The following CADM1 variants were observed in gnomAD, a reference collection of about 807,000 sequenced individuals.
The protein encoded by CADM1 is TSLC-1.
A neutral mutation model predicts 53.1 loss-of-function variants in CADM1; 15 were observed. That is an observed-to-expected ratio of 0.28 (90% CI 0.19 to 0.44). The LOEUF is 0.44. CADM1 is among the 20% of genes least tolerant of loss of function. CADM1 has a pLI of 1.00. For missense variants in CADM1, 434 were observed against 611.3 expected (o/e 0.71, Z 3.06); for synonymous variants, 281 against 243.0 (o/e 1.16, Z -1.45).
intron 1 of CADM1, among the ~76,000 whole-genome samples, chr11:115,328,031 T>C (rs1308519951): frequency 6.6e-6 from 1 of 151,996 alleles, no homozygotes; most frequent in East Asian, 1.9e-4. Flanking sequence ...TATCCTTCTG[T>C]TTCTCTGGGT....
In CADM1 at chr11:115,308,528, T is replaced by A. The variant is rs137896804; in HGVS notation, c.125-68108A>T. On this transcript the variant is annotated intron_variant, in intron 1 of 11. Coordinates refer to ENST00000331581, the MANE Select transcript of CADM1 (RefSeq NM_001301043.2). ...TAATTTCCATTTCATGCAAAGCTGA[T>A]CTGTGATATGGCACGTCTGCAAAAC... 3.2e-4 allele frequency among the ~76,000 whole-genome samples: 49 copies of A among 152,112 alleles called. 1 individual carries two copies. The highest frequency in any genetic ancestry group is 3.5e-4 in the Non-Finnish European group (24 of 67,930).
intron 1 of CADM1, among the ~76,000 whole-genome samples, chr11:115,368,279 T>C (rs1946223800): frequency 6.6e-6 from 1 of 152,154 alleles, no homozygotes; most frequent in Admixed American, 6.5e-5. Context: ...GGGGTTGTGA[T>C]CTCCATAGCA....
In CADM1 at chr11:115,192,142, C is replaced by T. The variant is rs549805576; in HGVS notation, c.1112-1201G>A. On this transcript the variant is annotated intron_variant, in intron 9 of 11. Coordinates refer to ENST00000331581, the MANE Select transcript of CADM1 (RefSeq NM_001301043.2). ...TTTTAAAGGCCCAAATGAACCACAA[C>T]AGTCATGTGCAAATGATCACTGAAG... is the stretch of plus-strand genomic sequence containing the variant. Among the ~76,000 whole-genome samples, 15 of 152,334 alleles carry T rather than the reference C, an allele frequency of 9.8e-5. No homozygotes were observed. In the South Asian group the frequency reaches 2.9e-3, roughly 29 times the overall value.
intron 11 of CADM1, among the ~76,000 whole-genome samples, 183 bp from the exon 12 acceptor site, chr11:115,176,775 G>A (rs528919569): frequency 6.6e-6 from 1 of 152,286 alleles, no homozygotes; most frequent in Admixed American, 6.5e-5. Context: ...GGGTTCCAAA[G>A]GCACCACTCC....
chr11:115,246,707 T>C (rs1254247819), intron 1 of CADM1, among the ~76,000 whole-genome samples: 5 of 152,216 alleles, frequency 3.3e-5, no homozygotes, highest in Admixed American at 2.6e-4. Context: ...AAGCAATATG[T>C]GCTCAAAGGC....
intron 3 of CADM1, among the ~76,000 whole-genome samples, chr11:115,236,417 TAATATCTACAGAAAG>T (rs1942013087): frequency 1.3e-5 from 2 of 152,230 alleles, no homozygotes; most frequent in South Asian, 4.1e-4. Context: ...AGTGAATGAA[TAATATCTACAGAAAG>T]AATATCTACT....
intron 9 of CADM1, among the ~76,000 whole-genome samples, chr11:115,194,966 A>G (rs995720945): frequency 2.0e-5 from 3 of 152,194 alleles, no homozygotes; most frequent in Non-Finnish European, 4.4e-5. Flanking sequence ...CATTTCTCAG[A>G]CCATGTGGTA....
At chr11:115,438,791 C>A (rs1948241580) in intron 1 of CADM1, among the ~76,000 whole-genome samples, 1 of 152,044 alleles carries the variant, frequency 6.6e-6, no homozygotes, top group South Asian at 2.1e-4. Flanking sequence ...TGGTAAGTAT[C>A]CACCTCATTT....
chr11:115,371,796 G>A (rs1053409665), intron 1 of CADM1, among the ~76,000 whole-genome samples: 2 of 110,546 alleles, frequency 1.8e-5, no homozygotes, highest in Non-Finnish European at 3.7e-5. Context: ...CTGCCACCAC[G>A]CCCAGCTAAT....
chr11:115,194,384 G>T (rs919731461), intron 9 of CADM1, among the ~76,000 whole-genome samples: 1 of 152,200 alleles, frequency 6.6e-6, no homozygotes, highest in Non-Finnish European at 1.5e-5. Flanking sequence ...TCAGGAAAAG[G>T]AAGAGCTACA....
intron 1 of CADM1, among the ~76,000 whole-genome samples, chr11:115,291,665 G>C (rs755286248): frequency 8.5e-5 from 13 of 152,072 alleles, no homozygotes; most frequent in African/African-American, 1.2e-4. Flanking sequence ...ATATTCCACT[G>C]CCCAGGCCTA....
intron 7 of CADM1, among the ~76,000 whole-genome samples, chr11:115,211,337 T>A (rs1295610655): frequency 6.6e-6 from 1 of 152,072 alleles, no homozygotes; most frequent in African/African-American, 2.4e-5. Context: ...ACAACTAAAC[T>A]ATATCCAGAG....
chr11:115,484,175 C>T (rs780837397), intron 1 of CADM1, among the ~76,000 whole-genome samples: 8 of 152,218 alleles, frequency 5.3e-5, no homozygotes, highest in African/African-American at 1.7e-4. Flanking sequence ...AAGGCTCCCA[C>T]ACATCAATTT....
rs143962764 is a variant in CADM1, at chr11:115,272,846, G to A, written c.125-32426C>T. The stretch of plus-strand genomic sequence containing the variant: ...GCACACCAGCATGGCACATGTATAC[G>A]TATGTAACTAACCTGCACAATGTGC... On this transcript the variant is annotated intron_variant, in intron 1 of 11. Transcript: ENST00000331581. Among the ~76,000 whole-genome samples the A allele has an allele frequency of 4.4e-4, 67 of 151,448 alleles. 1 individual carries two copies. Among genetic ancestry groups the A allele is most frequent in the South Asian group, 3.2e-3 (15 of 4,750 alleles).
At chr11:115,369,386 CA>C in intron 1 of CADM1, among the ~76,000 whole-genome samples, 1 of 152,174 alleles carries the variant, frequency 6.6e-6, no homozygotes, top group East Asian at 1.9e-4. Flanking sequence ...TTGTTCAGAG[CA>C]AGTAATATGA....
At position 115,176,209 on chromosome 11, in the gene CADM1, A is replaced by C; in HGVS notation, c.*265T>G. ...AATTTTCTGCAATCTACTGAAACTA[A>C]ATCCAAGTATCCAAGTTTGACTTGG... On this transcript the variant is annotated 3_prime_UTR_variant, in exon 12 of 12. Transcript: ENST00000331581. The C allele has an allele frequency of 8.1e-7, 1 of 1,229,114 alleles. No individual in the cohort carries two copies. Among genetic ancestry groups the C allele is most frequent in the Non-Finnish European group, 1.0e-6 (1 of 970,388 alleles). The allele number at this position is 1,229,114 out of a possible 1,614,324, so 76.1% of individuals were successfully genotyped here.
At position 115,219,961 on chromosome 11, in the gene CADM1, A is replaced by C. The variant is rs73572145; in HGVS notation, c.722-1970T>G. Among the ~76,000 whole-genome samples the C allele has an allele frequency of 8.8e-4, 134 of 152,260 alleles. 1 individual carries two copies. Among genetic ancestry groups the C allele is most frequent in the African/African-American group, 3.2e-3 (133 of 41,562 alleles). On this transcript the variant is annotated intron_variant, in intron 5 of 11. Transcript: ENST00000331581. ...GCAGCACTTACTAGAGTTCCTAGTT[A>C]GGGGACCTCTATCATTCTTACCCAT... is the stretch of plus-strand genomic sequence containing the variant.
At chr11:115,428,901 C>A (rs575990656) in intron 1 of CADM1, among the ~76,000 whole-genome samples, 4 of 152,186 alleles carry the variant, frequency 2.6e-5, no homozygotes, top group Admixed American at 2.0e-4. Context: ...AAGGATTTCA[C>A]AGGAAAATAT....
chr11:115,455,931 C>T (rs1034891396), intron 1 of CADM1, among the ~76,000 whole-genome samples: 1 of 152,176 alleles, frequency 6.6e-6, no homozygotes, highest in African/African-American at 2.4e-5. Context: ...AATAAGTTCC[C>T]TCTGAGAAGT....
Sources: gnomAD v4.1 joint callset for allele counts (sites outside exome capture counted in the v4.1 genomes callset) on GRCh38, gnomAD v4.1.1 for gene constraint, MANE v1.5 for transcripts, NCBI Gene and HGNC (gene_info 2026-07-23, HGNC 2026-07-21) for gene names.